GSPT1: variants seen among roughly 807,000 people sequenced by gnomAD.
GSPT1 encodes eukaryotic peptide chain release factor GTP-binding subunit ERF3A.
GSPT1 carries 20 observed loss-of-function variants against 72.5 expected under a neutral mutation model. The ratio of observed to expected loss-of-function variants is 0.28; its 90% CI spans 0.19 to 0.40. The LOEUF (loss-of-function observed/expected upper bound fraction) is 0.40. GSPT1 is among the 10% of genes least tolerant of loss of function. GSPT1 has a pLI of 1.00. For missense variants in GSPT1, 580 were observed against 811.9 expected, an observed-to-expected ratio of 0.71 and a Z score of 3.47; for synonymous variants, 334 against 293.5, an observed-to-expected ratio of 1.14 and a Z score of -1.41.
At chr16:11,897,753 A>G (rs1357698481) in intron 3 of GSPT1, 87 bp downstream of exon 3, 1 of 730,134 alleles carries the variant, frequency 1.4e-6, no homozygotes, top group Non-Finnish European at 2.5e-6. Context: ...AGGCATTACA[A>G]TAATCGTAAC....
intron 14 of GSPT1, among the ~76,000 whole-genome samples, chr16:11,875,051 A>G (rs557472484): frequency 4.3e-4 from 66 of 152,190 alleles, no homozygotes; most frequent in East Asian, 1.9e-3. Flanking sequence ...TTAGCCAGGC[A>G]TGGTGGCAGC....
In GSPT1 at chr16:11,915,865, C is replaced by G. The variant is rs750749951; in HGVS notation, c.-145G>C. ...TAGCGACAAAGATCCCCGGCGTCGC[C>G]GCGGCAGCAGCTCCAGTCCCGACTC... On this transcript the variant is annotated 5_prime_UTR_variant, in exon 1 of 15. Transcript: ENST00000434724. 2.3e-5 allele frequency: 29 copies of G among 1,284,868 alleles called. 2 individuals carry two copies. The Middle Eastern group carries it at 4.1e-3, about 182-fold the overall frequency. 79.6% of individuals were successfully genotyped at this position (1,284,868 alleles called of 1,614,324 possible). A position where few individuals can be genotyped will look rare whatever the true frequency, so the allele number is the denominator to read the frequency against.
chr16:11,893,163 G>A (rs902197395), intron 5 of GSPT1, among the ~76,000 whole-genome samples: 7 of 152,160 alleles, frequency 4.6e-5, no homozygotes, highest in Admixed American at 2.0e-4. Context: ...GGGAGGCTGA[G>A]GTAGGAGGAT....
At chr16:11,897,082 A>G (rs748685606) in intron 3 of GSPT1, among the ~76,000 whole-genome samples, 2 of 152,228 alleles carry the variant, frequency 1.3e-5, no homozygotes, top group African/African-American at 2.4e-5. Flanking sequence ...AACATTCCCA[A>G]CAGCCTAGTT....
At position 11,890,030 on chromosome 16, in the gene GSPT1, G is replaced by A. The variant is rs377185229; in HGVS notation, c.776+1032C>T. ...GGCTGGAGTGCAGTGGTGCAATCTC[G>A]GCTCACTGCAACCTCCGCCTCCCGG... On this transcript the variant is annotated intron_variant, in intron 6 of 14. Transcript: ENST00000434724. 2.3e-4 allele frequency among the ~76,000 whole-genome samples: 35 copies of A among 149,982 alleles called. No homozygotes were observed. The East Asian group carries it at 3.8e-3, about 16-fold the overall frequency.
Position 11,909,820 on chromosome 16 carries a change from G to T in GSPT1, c.352+5549C>A, listed in dbSNP as rs375882335. Among the ~76,000 whole-genome samples, 8 of 152,280 alleles carry T rather than the reference G, an allele frequency of 5.3e-5. No homozygotes were observed. In the East Asian group the frequency reaches 1.5e-3, roughly 29 times the overall value. ...GGCACCTGTAATCTCAGCTACTTGG[G>T]AAGCTGAGGCAGAACAATCGCTTGA... On this transcript the variant is annotated intron_variant, in intron 1 of 14. Transcript: ENST00000434724.
Position 11,896,707 on chromosome 16 carries a change from C to A in GSPT1, c.515G>T (p.Gly172Val). The A allele has an allele frequency of 6.2e-7, 1 of 1,607,082 alleles. No individual in the cohort carries two copies. The highest frequency in any genetic ancestry group is 8.5e-7 in the Non-Finnish European group (1 of 1,176,488). Reference protein sequence around the residue: ...KEEISEAEPGGGSLGDGRPPE... With the variant: ...KEEISEAEPGVGSLGDGRPPE... ...CGGCCTTCCATCTCCCAAGGAACCA[C>A]CCCCTGGCTCTGCTTCACTTATTTC... Residue 172 changes from glycine to valine, a missense_variant, in exon 4 of 15, where the codon GGT becomes GTT. Gly to Val is a moderately radical substitution (Grantham distance 109). Coordinates refer to ENST00000434724, the MANE Select transcript of GSPT1 (RefSeq NM_002094.4).
intron 6 of GSPT1, 140 bp from the exon 7 acceptor site, chr16:11,887,890 T>TGCGGTGG: frequency 1.5e-6 from 1 of 675,070 alleles, no homozygotes; most frequent in Non-Finnish European, 2.5e-6. Flanking sequence ...TTGAGCCGGG[T>TGCGGTGG]GCGGTGGCTC....
rs1354731794 is a variant in GSPT1, at chr16:11,873,183, A to T, written c.1862-12T>A. 3 of 1,488,778 alleles carry T rather than the reference A, an allele frequency of 2.0e-6. No individual in the cohort carries two copies. Among genetic ancestry groups the T allele is most frequent in the Non-Finnish European group, 2.8e-6 (3 of 1,068,224 alleles). The allele number at this position is 1,488,778 out of a possible 1,614,324, so 92.2% of individuals were successfully genotyped here. ...TGCAATGGTCTTACCTAGAAATGAA[A>T]TTTTAAAAAAATCTTTCAGTAGTTA... is the stretch of plus-strand genomic sequence containing the variant. On this transcript the variant is annotated splice_polypyrimidine_tract_variant and intron_variant, in intron 14 of 14. Transcript: ENST00000434724.
intron 5 of GSPT1, among the ~76,000 whole-genome samples, chr16:11,892,524 A>AAAAAAATAAAT (rs2054278019): frequency 4.7e-5 from 6 of 126,724 alleles, no homozygotes; most frequent in African/African-American, 1.9e-4. Context: ...CAAAAAAAAC[A>AAAAAAATAAAT]AAAAAAACAA....
intron 1 of GSPT1, among the ~76,000 whole-genome samples, chr16:11,907,610 G>GC (rs1409690623): frequency 7.3e-6 from 1 of 136,246 alleles, no homozygotes; most frequent in East Asian, 2.0e-4. Context: ...TGCCCTTCCC[G>GC]CCCCCTGTTA....
At chr16:11,898,183 C>T in intron 1 of GSPT1, 148 bp from the exon 2 acceptor site, 1 of 611,216 alleles carries the variant, frequency 1.6e-6, no homozygotes. Context: ...CTCAGGCCTT[C>T]AAGTTAGAAG....
chr16:11,913,565 G>T (rs945741891), intron 1 of GSPT1, among the ~76,000 whole-genome samples: 3 of 152,284 alleles, frequency 2.0e-5, no homozygotes, highest in African/African-American at 7.2e-5. Context: ...CTAGACCAAG[G>T]TTGGTTATCC....
chr16:11,876,146 G>C lies in GSPT1; in HGVS notation c.1632C>G (p.Ile544Met). Residue 544 changes from isoleucine to methionine, a missense_variant, in exon 13 of 15, where the codon ATC becomes ATG. Coordinates refer to ENST00000434724, the MANE Select transcript of GSPT1 (RefSeq NM_002094.4). ...GCAGCACCGCATTATAGCCTGGGCA[G>C]ATGATGGATTTGTGCTCTATAATCA... Reference protein sequence around the residue: ...QIVIIEHKSIICPGYNAVLHI... With the variant: ...QIVIIEHKSIMCPGYNAVLHI... The C allele has an allele frequency of 1.2e-6, 2 of 1,607,500 alleles. No individual in the cohort carries two copies. Among genetic ancestry groups the C allele is most frequent in the Non-Finnish European group, 1.7e-6 (2 of 1,174,014 alleles).
intron 1 of GSPT1, among the ~76,000 whole-genome samples, chr16:11,907,430 T>G (rs1418389403): frequency 1.3e-5 from 2 of 152,230 alleles, no homozygotes; most frequent in Admixed American, 1.3e-4. Context: ...AAGAGAATGT[T>G]GTGAAGACTA....
chr16:11,916,220 G>T (rs868163844), upstream of GSPT1: 2 of 346,226 alleles, frequency 5.8e-6, no homozygotes, highest in African/African-American at 2.2e-5. Context: ...CTCCCGGCAG[G>T]CAACGCGAGG....
At chr16:11,911,493 C>T (rs899198473) in intron 1 of GSPT1, among the ~76,000 whole-genome samples, 1 of 151,998 alleles carries the variant, frequency 6.6e-6, no homozygotes, top group African/African-American at 2.4e-5. Context: ...TCAAGAGATC[C>T]TCCCACCTCA....
intron 4 of GSPT1, among the ~76,000 whole-genome samples, 179 bp downstream of exon 4, chr16:11,896,379 C>A (rs923591987): frequency 2.0e-5 from 3 of 152,104 alleles, no homozygotes; most frequent in Admixed American, 6.6e-5. Flanking sequence ...TATTCATTTG[C>A]CTAAACTTCA....
At chr16:11,900,226 G>C (rs146980991) in intron 1 of GSPT1, among the ~76,000 whole-genome samples, 2,654 of 151,842 alleles carry the variant, frequency 0.017, 48 homozygotes, top group African/African-American at 0.043. Context: ...CCAGCTACTC[G>C]GGAGGCCAAG....
Sources: allele counts gnomAD v4.1 joint callset (sites outside exome capture counted in the v4.1 genomes callset), GRCh38; gene constraint gnomAD v4.1.1; transcripts MANE v1.5; gene names NCBI Gene and HGNC (gene_info 2026-07-23, HGNC 2026-07-21).